ATP11C: variants seen among roughly 807,000 people sequenced by gnomAD.
ATP11C encodes the protein ATPase phospholipid transporting 11C (ATP11C blood group), also known as phospholipid-transporting ATPase IG.
Under a neutral mutation model 97.4 loss-of-function variants are expected in ATP11C, and 36 were observed. The observed-to-expected ratio is 0.37, with a 90% CI of 0.28 to 0.49. ATP11C has a LOEUF of 0.49. Among genes scored for constraint, ATP11C ranks in the 20% least tolerant of loss-of-function variants. The pLI is 0.98. For synonymous variants in ATP11C, 275 were observed against 290.9 expected (o/e 0.95, Z 0.56); for missense variants, 730 against 824.6 (o/e 0.89, Z 1.40).
Position 139,790,032 on chromosome X carries a change from GA to G in ATP11C, c.1207-545del, listed in dbSNP as rs77810327. ...GTGATAGAGTGAGACTCTGTCTCAG[GA>G]AAAAAAAAAAAAAGTGACTATTTTA... is the stretch of plus-strand genomic sequence containing the variant. On this transcript the variant is annotated intron_variant, in intron 12 of 29. Coordinates refer to ENST00000682941, the MANE Select transcript of ATP11C (RefSeq NM_001353812.2). Among the ~76,000 whole-genome samples, 904 of 92,970 alleles carry G rather than the reference GA, an allele frequency of 9.7e-3. 11 individuals carry two copies. Among genetic ancestry groups the G allele is most frequent in the African/African-American group, 0.029 (747 of 25,617 alleles). The allele number at this position is 92,970 out of a possible 115,157, so 80.7% of individuals were successfully genotyped here. A position where few individuals can be genotyped will look rare whatever the true frequency, so the allele number is the denominator to read the frequency against.
chrX:139,798,967 C>T (rs915553592), intron 8 of ATP11C, among the ~76,000 whole-genome samples: 5 of 110,423 alleles, frequency 4.5e-5, no homozygotes, highest in Non-Finnish European at 7.6e-5. Context: ...GCCAGCAACA[C>T]ACATAGGCAA....
At chrX:139,832,111 C>A in intron 1 of ATP11C, 2 of 1,188,778 alleles carry the variant, frequency 1.7e-6, no homozygotes, top group Non-Finnish European at 2.3e-6. Flanking sequence ...ACCTCAAAAC[C>A]CAACCTGGCT....
At chrX:139,857,463 G>C (rs753338798) in intron 1 of ATP11C, among the ~76,000 whole-genome samples, 8 of 111,064 alleles carry the variant, frequency 7.2e-5, no homozygotes, top group Non-Finnish European at 1.5e-4. Flanking sequence ...GACTCATTCC[G>C]ATCACCTGCT....
intron 1 of ATP11C, among the ~76,000 whole-genome samples, chrX:139,889,842 A>G (rs780813888): frequency 8.9e-6 from 1 of 112,014 alleles, no homozygotes; most frequent in African/African-American, 3.2e-5. Flanking sequence ...AAGAACCAAA[A>G]TACTCCATTT....
intron 7 of ATP11C, among the ~76,000 whole-genome samples, 165 bp from the exon 8 acceptor site, chrX:139,800,275 GA>G (rs1349946629): frequency 2.7e-5 from 3 of 111,477 alleles, no homozygotes; most frequent in African/African-American, 9.8e-5. Flanking sequence ...AAGTTATGTT[GA>G]ATTGATAAGG....
chrX:139,919,812 A>G (rs1226837028), intron 1 of ATP11C, among the ~76,000 whole-genome samples: 1 of 110,761 alleles, frequency 9.0e-6, no homozygotes, highest in Non-Finnish European at 1.9e-5. Context: ...CCAGCTACTC[A>G]GGAGGCTGAG....
chrX:139,921,352 G>C (rs774570418), intron 1 of ATP11C, among the ~76,000 whole-genome samples: 1 of 110,978 alleles, frequency 9.0e-6, no homozygotes, highest in Non-Finnish European at 1.9e-5. Context: ...GAGATCTGAC[G>C]GTTTCATAAG....
intron 23 of ATP11C, among the ~76,000 whole-genome samples, chrX:139,753,924 CAA>C (rs1004102092): frequency 1.6e-4 from 18 of 111,139 alleles, no homozygotes; most frequent in Non-Finnish European, 3.2e-4. Context: ...ACTACAGAAA[CAA>C]GAGCAAACCA....
At chrX:139,737,516 T>C (rs1286190129) in intron 28 of ATP11C, among the ~76,000 whole-genome samples, 1 of 110,979 alleles carries the variant, frequency 9.0e-6, no homozygotes, top group Non-Finnish European at 1.9e-5. Flanking sequence ...AAGAGGCAAA[T>C]TGGTATTATC....
chrX:139,806,635 G>C (rs770914937), intron 5 of ATP11C, among the ~76,000 whole-genome samples: 32 of 111,362 alleles, frequency 2.9e-4, no homozygotes, highest in Non-Finnish European at 5.7e-4. Context: ...ATCTCTACAA[G>C]CCTGAGAGAC....
At chrX:139,842,013 A>C (rs957553353) in intron 1 of ATP11C, among the ~76,000 whole-genome samples, 2 of 111,727 alleles carry the variant, frequency 1.8e-5, no homozygotes, top group African/African-American at 6.6e-5. Context: ...CCCAGAATGC[A>C]TGAGCAGGTT....
At chrX:139,760,686 G>A (rs760856144) in intron 22 of ATP11C, among the ~76,000 whole-genome samples, 3 of 111,566 alleles carry the variant, frequency 2.7e-5, no homozygotes, top group East Asian at 2.8e-4. Context: ...TCAGTCTAAC[G>A]TATACGCTAA....
At chrX:139,933,350 G>A (rs2085478234), upstream of ATP11C, among the ~76,000 whole-genome samples, 2 of 111,974 alleles carry the variant, frequency 1.8e-5, no homozygotes, top group African/African-American at 6.5e-5. Context: ...ATGTGAGAAG[G>A]CTAAATTAGG....
Position 139,909,128 on chromosome X carries a change from T to C in ATP11C, c.27+22888A>G, listed in dbSNP as rs758477716. 2.1e-4 allele frequency among the ~76,000 whole-genome samples: 23 copies of C among 111,263 alleles called. 1 individual carries two copies. The South Asian group carries it at 2.3e-3, about 11-fold the overall frequency. On this transcript the variant is annotated intron_variant, in intron 1 of 29. Transcript: ENST00000682941. ...ACCACACTGCTTTTGGGGTTTTTTT[T>C]ATTTTGTTTTGTTTTGTTTTGAGAC...
At chrX:139,851,731 C>G (rs1219189402) in intron 1 of ATP11C, among the ~76,000 whole-genome samples, 1 of 111,769 alleles carries the variant, frequency 8.9e-6, no homozygotes, top group Non-Finnish European at 1.9e-5. Context: ...CCAGTGTACC[C>G]AGGATGCAGG....
intron 1 of ATP11C, among the ~76,000 whole-genome samples, chrX:139,862,453 C>T (rs1319828526): frequency 9.0e-6 from 1 of 111,427 alleles, no homozygotes; most frequent in Non-Finnish European, 1.9e-5. Flanking sequence ...GGATCTGATG[C>T]TATCTCCAGA....
Position 139,768,421 on chromosome X carries a change from G to A in ATP11C, c.2230C>T (p.His744Tyr). 1.3e-5 allele frequency: 15 copies of A among 1,121,004 alleles called. No homozygotes were observed. Among genetic ancestry groups the A allele is most frequent in the Non-Finnish European group, 1.8e-5 (15 of 844,677 alleles). The allele number at this position is 1,121,004 out of a possible 1,213,427, so 92.4% of individuals were successfully genotyped here. ...TCTATGATTAATCCATATTCCTGAT[G>A]TTCTGTCCATGCTCTGAAAAAGAGA... is the stretch of plus-strand genomic sequence containing the variant. Reference protein sequence around the residue: ...TRSFKKAWTEHQEYGLIIDGS... With the variant: ...TRSFKKAWTEYQEYGLIIDGS... The change falls in exon 20 of 30, where the codon CAT becomes TAT. Residue 744 changes from histidine (H) to tyrosine (Y), a missense_variant. Transcript: ENST00000682941.
At chrX:139,763,263 T>C (rs1156418733) in intron 21 of ATP11C, 53 bp downstream of exon 21, 2 of 990,393 alleles carry the variant, frequency 2.0e-6, no homozygotes, top group Admixed American at 4.5e-5. Context: ...CCACACTACC[T>C]AAAAGCAATA....
rs755894186 is a variant in ATP11C at position 139,818,007 on chromosome X, A to T, written c.238-1064T>A. Reference sequence around the variant, plus strand: ...CCATACACCCTGTGTTGTAGATACAATGTATACTTCCATGTACGCAAGGCT... The same window carrying T: ...CCATACACCCTGTGTTGTAGATACATTGTATACTTCCATGTACGCAAGGCT... On this transcript the variant is annotated intron_variant, in intron 3 of 29. Transcript: ENST00000682941. 2.7e-5 allele frequency among the ~76,000 whole-genome samples: 3 copies of T among 111,353 alleles called. No homozygotes were observed. In the South Asian group the frequency reaches 1.2e-3, roughly 43 times the overall value.
Sources: allele counts gnomAD v4.1 joint callset (sites outside exome capture counted in the v4.1 genomes callset), GRCh38; gene constraint gnomAD v4.1.1; transcripts MANE v1.5; gene names NCBI Gene and HGNC (gene_info 2026-07-23, HGNC 2026-07-21).